MAGEC3: variants seen among roughly 807,000 people sequenced by gnomAD.
MAGEC3 encodes MAGE family member C3.
MAGEC3 carries 34 observed loss-of-function variants against 35.3 expected under a neutral mutation model. The ratio of observed to expected loss-of-function variants is 0.96; its 90% CI spans 0.73 to 1.28. MAGEC3 has a LOEUF of 1.28. MAGEC3 is among the 50% of genes most tolerant of loss of function. The pLI, the probability that MAGEC3 is intolerant of heterozygous loss-of-function variation, is 0.00. For synonymous variants in MAGEC3, 202 were observed against 185.6 expected (o/e 1.09, Z -0.72); for missense variants, 561 against 483.6 (o/e 1.16, Z -1.50).
intron 1 of MAGEC3, among the ~76,000 whole-genome samples, chrX:141,865,259 GTTTTAT>G (rs1243712637): frequency 1.8e-5 from 2 of 110,600 alleles, no homozygotes; most frequent in African/African-American, 6.6e-5. Flanking sequence ...TTGAATTTTG[GTTTTAT>G]TTTTGAGGCA....
intron 2 of MAGEC3, among the ~76,000 whole-genome samples, chrX:141,875,050 A>G (rs1365668345): frequency 8.9e-6 from 1 of 111,776 alleles, no homozygotes; most frequent in Non-Finnish European, 1.9e-5. Context: ...TCAGCCATGC[A>G]TTGGGTTTTC....
At chrX:141,864,010 G>T (rs777999446) in intron 1 of MAGEC3, among the ~76,000 whole-genome samples, 1 of 111,689 alleles carries the variant, frequency 9.0e-6, no homozygotes, top group South Asian at 3.7e-4. Context: ...ACAAAGGTGA[G>T]GCATAGGGGA....
intron 2 of MAGEC3, among the ~76,000 whole-genome samples, chrX:141,874,818 T>TAA (rs11396160): frequency 0.066 from 6,402 of 97,597 alleles, 254 homozygotes; most frequent in East Asian, 0.31. Context: ...CTGGAAATGG[T>TAA]AAAAAAAAAA....
At chrX:141,889,774 A>G (rs1253629304) in intron 4 of MAGEC3, among the ~76,000 whole-genome samples, 1 of 112,210 alleles carries the variant, frequency 8.9e-6, no homozygotes, top group African/African-American at 3.2e-5. Flanking sequence ...TCCACCAGGA[A>G]AAAAATCCAC....
intron 2 of MAGEC3, among the ~76,000 whole-genome samples, chrX:141,873,527 G>A (rs1337395790): frequency 9.0e-6 from 1 of 111,364 alleles, no homozygotes; most frequent in African/African-American, 3.3e-5. Flanking sequence ...AAATGCATGA[G>A]GCTAGAAAGG....
At chrX:141,856,200 G>A (rs764052465) in intron 1 of MAGEC3, among the ~76,000 whole-genome samples, 13 of 111,570 alleles carry the variant, frequency 1.2e-4, no homozygotes, top group East Asian at 2.8e-4. Flanking sequence ...TATGCACACC[G>A]TGATGCTAGA....
At chrX:141,847,636 G>A (rs1404886866) in intron 1 of MAGEC3, among the ~76,000 whole-genome samples, 3 of 111,096 alleles carry the variant, frequency 2.7e-5, no homozygotes, top group African/African-American at 6.5e-5. Context: ...CAAATAAATC[G>A]TACAGATAAT....
intron 4 of MAGEC3, among the ~76,000 whole-genome samples, chrX:141,884,907 A>T (rs1416650571): frequency 8.9e-6 from 1 of 111,865 alleles, no homozygotes; most frequent in African/African-American, 3.3e-5. Context: ...CCAGAAGCAG[A>T]TACTGAGCCT....
At chrX:141,894,786 A>T in intron 4 of MAGEC3, 1 of 966,829 alleles carries the variant, frequency 1.0e-6, no homozygotes, top group Non-Finnish European at 1.3e-6. Flanking sequence ...ACCCCTGGAC[A>T]AAACAGATGG....
At chrX:141,855,265 A>G (rs113304389) in intron 1 of MAGEC3, among the ~76,000 whole-genome samples, 2,287 of 110,658 alleles carry the variant, frequency 0.021, 61 homozygotes, top group African/African-American at 0.071. Flanking sequence ...GCTGTGCTCT[A>G]TGCATTTTCC....
intron 4 of MAGEC3, among the ~76,000 whole-genome samples, chrX:141,886,494 G>A (rs1221514186): frequency 9.0e-6 from 1 of 111,182 alleles, no homozygotes; most frequent in African/African-American, 3.3e-5. Flanking sequence ...GGAAATAATT[G>A]GACATTTCGG....
At position 141,897,451 on chromosome X, in the gene MAGEC3, G is replaced by A. The variant is rs772070241; in HGVS notation, c.1693G>A (p.Glu565Lys). 1.2e-5 allele frequency: 15 copies of A among 1,208,313 alleles called. No homozygotes were observed. The highest frequency in any genetic ancestry group is 2.2e-5 in the Admixed American group (1 of 45,674). ...MIFIKGSCVP[E>K]EVIWEVLSAI... Reference sequence around the variant, plus strand: ...CTTCATAAAGGGCAGCTGTGTCCCCGAGGAGGTCATCTGGGAAGTGTTGAG... The same window carrying A: ...CTTCATAAAGGGCAGCTGTGTCCCCAAGGAGGTCATCTGGGAAGTGTTGAG... The change falls in exon 7 of 8, where the codon GAG becomes AAG. Residue 565 changes from glutamate (E) to lysine (K), a missense_variant. Transcript: ENST00000298296.
intron 1 of MAGEC3, chrX:141,839,310 G>A (rs2017672130): frequency 3.8e-6 from 2 of 529,682 alleles, no homozygotes; most frequent in Middle Eastern, 1.2e-3. Flanking sequence ...TTTTAATGGA[G>A]AAAGTGAGTA....
chrX:141,884,789 C>T (rs1431111843), intron 4 of MAGEC3, among the ~76,000 whole-genome samples: 1 of 111,671 alleles, frequency 9.0e-6, no homozygotes, highest in African/African-American at 3.3e-5. Flanking sequence ...ATACCTTTGA[C>T]CATATGTGGA....
chrX:141,894,571 G>A (rs1006355125), intron 4 of MAGEC3: 45 of 830,117 alleles, frequency 5.4e-5, no homozygotes, highest in Non-Finnish European at 6.8e-5. Flanking sequence ...ACAGGAGAAG[G>A]GGGGAGTGCC....
chrX:141,883,347 T>C (rs1029115721), intron 4 of MAGEC3, among the ~76,000 whole-genome samples: 1 of 111,830 alleles, frequency 8.9e-6, no homozygotes, highest in Admixed American at 9.5e-5. Flanking sequence ...GGAGGATAAA[T>C]AGAAATAGTT....
chrX:141,895,706 T>C (rs184760256), intron 6 of MAGEC3, 147 bp downstream of exon 6: 1,659 of 121,496 alleles, frequency 0.014, 36 homozygotes, highest in African/African-American at 0.065. Context: ...TGAGCGGCAG[T>C]CCTCTCATTG....
At chrX:141,846,171 A>G (rs979807596) in intron 1 of MAGEC3, among the ~76,000 whole-genome samples, 7 of 103,732 alleles carry the variant, frequency 6.7e-5, no homozygotes, top group African/African-American at 2.5e-4. Context: ...GCCAGTTCCC[A>G]TGTGTTTTTA....
chrX:141,885,887 C>T (rs934923196), intron 4 of MAGEC3, among the ~76,000 whole-genome samples: 1 of 110,244 alleles, frequency 9.1e-6, no homozygotes, highest in African/African-American at 3.3e-5. Context: ...GAAGATACAC[C>T]CTTGACCAAT....
Sources: gnomAD v4.1 joint callset for allele counts (sites outside exome capture counted in the v4.1 genomes callset) on GRCh38, gnomAD v4.1.1 for gene constraint, MANE v1.5 for transcripts, NCBI Gene and HGNC (gene_info 2026-07-23, HGNC 2026-07-21) for gene names.